NTRK1: variants seen among roughly 807,000 people sequenced by gnomAD.
NTRK1 encodes the protein neurotrophic receptor tyrosine kinase 1.
Under a neutral mutation model 86.8 loss-of-function variants are expected in NTRK1, and 62 were observed. The ratio of observed to expected loss-of-function variants is 0.71; its 90% CI spans 0.58 to 0.88. The LOEUF (loss-of-function observed/expected upper bound fraction) is 0.88. Among genes scored for constraint, NTRK1 ranks in the 40% least tolerant of loss-of-function variants. The pLI, the probability that NTRK1 is intolerant of heterozygous loss-of-function variation, is 0.00. For synonymous variants in NTRK1, 469 were observed against 456.6 expected (o/e 1.03, Z -0.35); for missense variants, 967 against 1,078.4 (o/e 0.90, Z 1.45).
intron 3 of NTRK1, 110 bp downstream of exon 3, chr1:156,864,909 G>C (rs1057303041): frequency 2.8e-6 from 3 of 1,073,902 alleles, no homozygotes; most frequent in East Asian, 2.5e-5. Context: ...CCCAAGCCTG[G>C]TCAGGGAAGT....
At chr1:156,840,978 C>A (rs370144321) in intron 1 of NTRK1, 4 of 1,613,514 alleles carry the variant, frequency 2.5e-6, no homozygotes, top group Non-Finnish European at 3.4e-6. Flanking sequence ...CCCGGCATTC[C>A]GGGCTGTAGT....
chr1:156,860,676 G>A (rs550866804), upstream of NTRK1: 2 of 532,464 alleles, frequency 3.8e-6, no homozygotes, highest in Non-Finnish European at 6.1e-6. Context: ...AGCGTCTGCC[G>A]GAGCTGAGGC....
At chr1:156,843,043 C>A (rs1268477963) in intron 2 of NTRK1, 1 of 1,614,014 alleles carries the variant, frequency 6.2e-7, no homozygotes, top group Non-Finnish European at 8.5e-7. Flanking sequence ...CAGAAGCTTC[C>A]TTGAGGAACT....
chr1:156,841,146 C>T lies in NTRK1; in HGVS notation c.-63-935C>T, dbSNP rs1225468051. 2.8e-6 allele frequency: 4 copies of T among 1,443,698 alleles called. No homozygotes were observed. The Admixed American group carries it at 7.9e-5, about 28-fold the overall frequency. 89.4% of individuals were successfully genotyped at this position (1,443,698 alleles called of 1,614,324 possible). A position where few individuals can be genotyped will look rare whatever the true frequency, so the allele number is the denominator to read the frequency against. On this transcript the variant is annotated intron_variant, in intron 1 of 16. Transcript: ENST00000392302. ...GCAGGGTCAGAGGCATCCGGGAGCCCCTGCCACGCTCTCAGCCTCCTGCAC... is the reference window on the plus strand; with the variant it reads ...GCAGGGTCAGAGGCATCCGGGAGCCTCTGCCACGCTCTCAGCCTCCTGCAC...
Position 156,868,116 on chromosome 1 carries a change from G to T in NTRK1, c.441G>T (p.Gly147=). The T allele has an allele frequency of 6.2e-7, 1 of 1,613,916 alleles. No homozygotes were observed. The highest frequency in any genetic ancestry group is 8.5e-7 in the Non-Finnish European group (1 of 1,180,044). Reference sequence around the variant, plus strand: ...CCATGCCCCCCAGGGTCCTGTCGGGGAACCCTCTGCACTGTTCTTGTGCCC... The same window carrying T: ...CCATGCCCCCCAGGGTCCTGTCGGGTAACCCTCTGCACTGTTCTTGTGCCC... ...GLSLQELVLS[G]NPLHCSCALR... Residue 147 remains glycine (G), a synonymous_variant, in exon 5 of 17, where the codon GGG becomes GGT. Coordinates refer to ENST00000524377, the MANE Select transcript of NTRK1 (RefSeq NM_002529.4).
chr1:156,831,165 A>G (rs1482433872), intron 1 of NTRK1, among the ~76,000 whole-genome samples: 1 of 152,142 alleles, frequency 6.6e-6, no homozygotes, highest in African/African-American at 2.4e-5. Context: ...CTGGGCCTTG[A>G]GAGCTAAGTA....
intron 2 of NTRK1, chr1:156,849,028 G>C: frequency 1.2e-6 from 2 of 1,613,448 alleles, no homozygotes; most frequent in Non-Finnish European, 1.7e-6. Flanking sequence ...TGGACACGAA[G>C]CGCAGGGTGC....
intron 1 of NTRK1, among the ~76,000 whole-genome samples, chr1:156,836,050 T>A (rs1210617259): frequency 6.6e-6 from 1 of 152,234 alleles, no homozygotes. Flanking sequence ...GCCACCCTTG[T>A]CTTCTCTGCT....
At chr1:156,816,672 T>TA (rs749856741) in intron 1 of NTRK1, 1 of 1,601,354 alleles carries the variant, frequency 6.2e-7, no homozygotes, top group East Asian at 2.3e-5. Flanking sequence ...ACTTCACACT[T>TA]ACCTTGGGGA....
At chr1:156,876,379 G>A (rs753486634) in intron 13 of NTRK1, 21 bp from the exon 14 acceptor site, 16 of 1,613,330 alleles carry the variant, frequency 9.9e-6, no homozygotes, top group African/African-American at 1.3e-5. Context: ...ACTCAGTCCT[G>A]TCCCTGCCGC....
intron 1 of NTRK1, chr1:156,816,117 C>T (rs762359647): frequency 3.9e-5 from 62 of 1,601,118 alleles, no homozygotes; most frequent in Non-Finnish European, 4.8e-5. Context: ...AGAGGGCTGC[C>T]GGGGTTTCTC....
intron 1 of NTRK1, chr1:156,840,001 G>T (rs1168547114): frequency 2.6e-5 from 4 of 152,054 alleles, no homozygotes; most frequent in African/African-American, 7.3e-5. Flanking sequence ...GAGGGAGAAA[G>T]GAAGTTCATC....
At chr1:156,845,859 C>T (rs1348868364) in intron 2 of NTRK1, 2 of 1,601,246 alleles carry the variant, frequency 1.2e-6, no homozygotes, top group Non-Finnish European at 1.7e-6. Context: ...GCGGTCTACC[C>T]GCCTCTGATC....
chr1:156,867,055 T>G (rs952250677), intron 4 of NTRK1, 77 bp downstream of exon 4: 1 of 1,443,740 alleles, frequency 6.9e-7, no homozygotes, highest in Non-Finnish European at 9.8e-7. Flanking sequence ...TTGGATGACA[T>G]TGGGTCACTG....
chr1:156,845,562 C>A, intron 2 of NTRK1: 1 of 1,466,510 alleles, frequency 6.8e-7, no homozygotes, highest in East Asian at 2.3e-5. Context: ...CCCGCAAGAC[C>A]CGCCCCTCAC....
chr1:156,861,157 G>C lies in NTRK1; in HGVS notation c.212+11G>C. ...GAACCTGACTGAGCTGTGAGTGTCC[G>C]GCGGGCGGTGGGGGGGCGCGGGGAC... On this transcript the variant is annotated intron_variant, in intron 1 of 16. Coordinates refer to ENST00000524377, the MANE Select transcript of NTRK1 (RefSeq NM_002529.4). The C allele has an allele frequency of 6.5e-7, 1 of 1,549,616 alleles. No homozygotes were observed. The highest frequency in any genetic ancestry group is 8.7e-7 in the Non-Finnish European group (1 of 1,151,390).
chr1:156,841,065 G>A (rs754911332), intron 1 of NTRK1: 8 of 1,575,858 alleles, frequency 5.1e-6, no homozygotes, highest in Non-Finnish European at 6.9e-6. Context: ...ATGGGCGCAG[G>A]CGTGGGTTCG....
chr1:156,863,942 C>T (rs941202316), intron 1 of NTRK1, among the ~76,000 whole-genome samples: 4 of 152,020 alleles, frequency 2.6e-5, no homozygotes, highest in Non-Finnish European at 4.4e-5. Flanking sequence ...TGGACGTGAG[C>T]TTTGTTTCTG....
intron 1 of NTRK1, among the ~76,000 whole-genome samples, chr1:156,824,705 G>A (rs546984489): frequency 8.6e-4 from 131 of 152,320 alleles, no homozygotes; most frequent in Non-Finnish European, 9.4e-4. Context: ...AGCATGACAT[G>A]TTTGTCAGAG....
Sources: allele counts gnomAD v4.1 joint callset (sites outside exome capture counted in the v4.1 genomes callset), GRCh38; gene constraint gnomAD v4.1.1; transcripts MANE v1.5; gene names NCBI Gene and HGNC (gene_info 2026-07-23, HGNC 2026-07-21).